Variants in HMCN1 observed in about 807,000 individuals in gnomAD.
HMCN1 encodes the protein hemicentin-1.
HMCN1 carries 321 observed loss-of-function variants against 625.9 expected under a neutral mutation model. The observed-to-expected ratio is 0.51, with a 90% CI of 0.47 to 0.56. The LOEUF is 0.56. Among genes scored for constraint, HMCN1 ranks in the 20% least tolerant of loss-of-function variants. The pLI is 0.00. For missense variants in HMCN1, 6,588 were observed against 6,887.3 expected (o/e 0.96, Z 1.54); for synonymous variants, 2,425 against 2,417.6 (o/e 1.00, Z -0.09).
At chr1:185,894,561 T>A (rs565068626) in intron 4 of HMCN1, among the ~76,000 whole-genome samples, 1 of 152,376 alleles carries the variant, frequency 6.6e-6, no homozygotes, top group South Asian at 2.1e-4. Context: ...CCTTAGCAGA[T>A]GCCATGTAAC....
intron 4 of HMCN1, among the ~76,000 whole-genome samples, chr1:185,908,369 A>G (rs1485121321): frequency 1.3e-5 from 2 of 152,060 alleles, no homozygotes; most frequent in African/African-American, 4.8e-5. Context: ...CTATAGCTTA[A>G]TATCCAGCTC....
chr1:185,881,570 A>G (rs867435341), intron 4 of HMCN1, among the ~76,000 whole-genome samples: 14 of 152,246 alleles, frequency 9.2e-5, no homozygotes, highest in African/African-American at 2.9e-4. Context: ...GAAAACAGGG[A>G]TATAAGTTCT....
intron 64 of HMCN1, among the ~76,000 whole-genome samples, chr1:186,091,212 C>A (rs1006470707): frequency 2.6e-5 from 4 of 151,932 alleles, no homozygotes; most frequent in Non-Finnish European, 5.9e-5. Context: ...TGATTTTATT[C>A]TTGTAATTTC....
At chr1:185,976,878 AG>A (rs942556694) in intron 15 of HMCN1, among the ~76,000 whole-genome samples, 15 of 152,126 alleles carry the variant, frequency 9.9e-5, no homozygotes, top group African/African-American at 3.6e-4. Context: ...CTATATGAGC[AG>A]GTTTCATCCA....
intron 22 of HMCN1, among the ~76,000 whole-genome samples, chr1:185,991,187 A>G (rs1255124440): frequency 1.3e-5 from 2 of 152,248 alleles, no homozygotes; most frequent in Non-Finnish European, 2.9e-5. Flanking sequence ...ATTAGTCACT[A>G]GACTATAATT....
intron 36 of HMCN1, among the ~76,000 whole-genome samples, chr1:186,028,725 A>ATTTTT (rs11415987): frequency 7.3e-6 from 1 of 137,760 alleles, no homozygotes; most frequent in African/African-American, 2.7e-5. Context: ...TCTAAAGCAT[A>ATTTTT]TTTTTTTTTT....
Position 186,087,570 on chromosome 1 carries a change from T to A in HMCN1, c.9288T>A (p.Asn3096Lys). The change falls in exon 60 of 107, where the codon AAT (asparagine) becomes AAA (lysine). Residue 3096 changes from asparagine (N) to lysine (K), a missense_variant. Physicochemically the swap from Asn to Lys is moderately conservative, Grantham distance 94 (BLOSUM62 0). This residue lies in a region of HMCN1 where 4,628 missense variants were observed against 4,853.1 expected (regional missense o/e 0.95). Transcript: ENST00000271588. ...CTCCAGTCATCACTTGGTATAAGAA[T>A]GGGCGGATGATAACAGAGTCTACTC... Reference protein sequence around the residue: ...VPPPVITWYKNGRMITESTHV... With the variant: ...VPPPVITWYKKGRMITESTHV... 6.2e-7 allele frequency: 1 copy of A among 1,613,316 alleles called. No homozygotes were observed. The highest frequency in any genetic ancestry group is 8.5e-7 in the Non-Finnish European group (1 of 1,179,472).
At chr1:185,960,093 A>G (rs1323334478) in intron 11 of HMCN1, among the ~76,000 whole-genome samples, 1 of 141,474 alleles carries the variant, frequency 7.1e-6, no homozygotes, top group Non-Finnish European at 1.6e-5. Context: ...GTATTTGTTC[A>G]TGTTCTAAGT....
At chr1:186,038,761 A>G (rs1656003827) in intron 37 of HMCN1, 68 bp from the exon 38 acceptor site, 1 of 864,332 alleles carries the variant, frequency 1.2e-6, no homozygotes, top group Non-Finnish European at 2.0e-6. Flanking sequence ...GACTTAGCTA[A>G]GATCCAACTT....
chr1:186,139,473 C>G (rs1571407339), intron 89 of HMCN1, among the ~76,000 whole-genome samples: 1 of 152,102 alleles, frequency 6.6e-6, no homozygotes, highest in Non-Finnish European at 1.5e-5. Context: ...TATATAATAA[C>G]TAAATGATAT....
At chr1:186,138,223 T>C (rs73042541) in intron 89 of HMCN1, among the ~76,000 whole-genome samples, 3,503 of 152,258 alleles carry the variant, frequency 0.023, 126 homozygotes, top group African/African-American at 0.079. Context: ...AGTGTATTTC[T>C]CAATCACGTA....
chr1:186,085,102 A>G (rs1659392088), intron 57 of HMCN1, among the ~76,000 whole-genome samples: 1 of 152,102 alleles, frequency 6.6e-6, no homozygotes, highest in Non-Finnish European at 1.5e-5. Context: ...GTCATTATAA[A>G]TTCATAGTAC....
At chr1:186,036,030 A>G (rs1383969269) in intron 36 of HMCN1, among the ~76,000 whole-genome samples, 3 of 152,306 alleles carry the variant, frequency 2.0e-5, no homozygotes, top group East Asian at 1.9e-4. Context: ...TATTCAATGC[A>G]TAAGGTATTG....
chr1:185,800,316 A>G (rs996698716), intron 1 of HMCN1, among the ~76,000 whole-genome samples: 1 of 152,076 alleles, frequency 6.6e-6, no homozygotes, highest in Non-Finnish European at 1.5e-5. Context: ...TAGACGATCT[A>G]GTTGAAGTGT....
intron 4 of HMCN1, among the ~76,000 whole-genome samples, chr1:185,891,495 G>A (rs1665081300): frequency 6.8e-6 from 1 of 147,856 alleles, no homozygotes; most frequent in African/African-American, 2.7e-5. Flanking sequence ...AGCTCTTTTA[G>A]GGCAGGCCTG....
intron 1 of HMCN1, among the ~76,000 whole-genome samples, chr1:185,787,144 T>C (rs1314067741): frequency 1.7e-5 from 2 of 120,360 alleles, no homozygotes; most frequent in Non-Finnish European, 3.2e-5. Context: ...ATGATGTATG[T>C]GTGTGTGTGT....
chr1:186,063,502 GAA>G, intron 48 of HMCN1, among the ~76,000 whole-genome samples: 1 of 129,476 alleles, frequency 7.7e-6, no homozygotes, highest in Non-Finnish European at 1.6e-5. Flanking sequence ...AGGAAGGAAG[GAA>G]GGAAGGAAGG....
At chr1:186,088,322 T>C in intron 62 of HMCN1, 46 bp downstream of exon 62, 2 of 1,610,810 alleles carry the variant, frequency 1.2e-6, no homozygotes, top group Non-Finnish European at 1.7e-6. Flanking sequence ...TTTTTTCTCT[T>C]GCTCTTAATT....
rs558796413 is a variant in HMCN1 at position 185,854,500 on chromosome 1, GA to G, written c.339+8405del. Among the ~76,000 whole-genome samples the G allele has an allele frequency of 2.0e-3, 310 of 152,238 alleles. 2 individuals carry two copies. Among genetic ancestry groups the G allele is most frequent in the African/African-American group, 7.2e-3 (301 of 41,550 alleles). On this transcript the variant is annotated intron_variant, in intron 2 of 106. Coordinates refer to ENST00000271588, the MANE Select transcript of HMCN1 (RefSeq NM_031935.3). ...GGACTCCTATGGAGCAATGTCTGGG[GA>G]GCTTCTTTTAATGCTGGAGGCTGAT...
Sources: allele counts gnomAD v4.1 joint callset (sites outside exome capture counted in the v4.1 genomes callset), GRCh38; gene constraint gnomAD v4.1.1; regional missense constraint gnomAD v4.1.1; transcripts MANE v1.5; gene names NCBI Gene and HGNC (gene_info 2026-07-23, HGNC 2026-07-21).